Variants in LARP1B observed in about 807,000 individuals in gnomAD.
LARP1B encodes La ribonucleoprotein 1B.
In LARP1B, 76 loss-of-function variants were observed where a neutral mutation model predicts 114.2. That is an observed-to-expected ratio of 0.67 (90% CI 0.55 to 0.81). The LOEUF is 0.81. Among genes scored for constraint, LARP1B ranks in the 30% least tolerant of loss-of-function variants. The pLI is 0.00. For missense variants in LARP1B, 1,014 were observed against 1,075.8 expected, an observed-to-expected ratio of 0.94 and a Z score of 0.80; for synonymous variants, 345 against 348.0, an observed-to-expected ratio of 0.99 and a Z score of 0.10.
intron 12 of LARP1B, among the ~76,000 whole-genome samples, chr4:128,174,827 G>A (rs1745230898): frequency 6.6e-6 from 1 of 152,066 alleles, no homozygotes; most frequent in Non-Finnish European, 1.5e-5. Flanking sequence ...AAACAAGTAT[G>A]TATGTAAATT....
At chr4:128,191,908 T>C (rs1752416264) in intron 15 of LARP1B, among the ~76,000 whole-genome samples, 1 of 152,186 alleles carries the variant, frequency 6.6e-6, no homozygotes, top group Non-Finnish European at 1.5e-5. Context: ...GAATTTTTCA[T>C]GCACAGGGCC....
At chr4:128,107,786 T>G (rs1782615152) in intron 9 of LARP1B, 3 of 1,526,780 alleles carry the variant, frequency 2.0e-6, no homozygotes, top group Non-Finnish European at 2.6e-6. Context: ...TTGGTTGTGT[T>G]TAGAATTTCC....
chr4:128,146,909 A>G (rs1730594966), intron 11 of LARP1B, among the ~76,000 whole-genome samples: 1 of 152,264 alleles, frequency 6.6e-6, no homozygotes, highest in South Asian at 2.1e-4. Flanking sequence ...TCTATATTAT[A>G]AAACATCTGA....
Position 128,210,106 on chromosome 4 carries a change from T to C in LARP1B, c.*53T>C, listed in dbSNP as rs1758715247. 6.2e-7 allele frequency: 1 copy of C among 1,610,918 alleles called. No homozygotes were observed. On this transcript the variant is annotated 3_prime_UTR_variant, in exon 20 of 20. Transcript: ENST00000326639. Reference sequence around the variant, plus strand: ...AAGAAATGGTGAAATGCCTGAGAAATAGACTCTTATGAAAGTTCTTTGTCC... The same window carrying C: ...AAGAAATGGTGAAATGCCTGAGAAACAGACTCTTATGAAAGTTCTTTGTCC...
At chr4:128,214,282 G>C (rs7692023), downstream of LARP1B, among the ~76,000 whole-genome samples, 3 of 148,370 alleles carry the variant, frequency 2.0e-5, no homozygotes, top group Admixed American at 1.4e-4. Flanking sequence ...CGGGAAGCTC[G>C]AACTGGGTGG....
At chr4:128,090,225 A>G (rs1775399593) in intron 5 of LARP1B, among the ~76,000 whole-genome samples, 1 of 151,968 alleles carries the variant, frequency 6.6e-6, no homozygotes, top group Non-Finnish European at 1.5e-5. Context: ...GGTGTGTGCT[A>G]TGGCACCCGG....
At chr4:128,074,863 G>T (rs1283068184) in intron 2 of LARP1B, 71 bp from the exon 3 acceptor site, 3 of 1,059,936 alleles carry the variant, frequency 2.8e-6, no homozygotes, top group Non-Finnish European at 4.3e-6. Flanking sequence ...TTCACTTTTA[G>T]AAAATGTTTT....
At chr4:128,208,530 A>G (rs979041321) in intron 19 of LARP1B, among the ~76,000 whole-genome samples, 7 of 152,188 alleles carry the variant, frequency 4.6e-5, no homozygotes, top group African/African-American at 1.7e-4. Context: ...TGGCCTAGCC[A>G]GTTCTGTCAC....
At chr4:128,122,679 T>A in intron 11 of LARP1B, 1 of 1,334,614 alleles carries the variant, frequency 7.5e-7, no homozygotes, top group South Asian at 2.4e-5. Context: ...GTGGAAATGG[T>A]TGTGGACAAA....
At chr4:128,217,546 A>G (rs1175751115) in intron 6 of LARP1B, among the ~76,000 whole-genome samples, 4 of 30,948 alleles carry the variant, frequency 1.3e-4, no homozygotes, top group Middle Eastern at 0.012. Context: ...CAAAAACCAC[A>G]TGATTATCTC....
intron 1 of LARP1B, among the ~76,000 whole-genome samples, chr4:128,064,372 A>C (rs770309239): frequency 8.6e-5 from 13 of 151,426 alleles, no homozygotes; most frequent in Non-Finnish European, 1.5e-4. Context: ...ATATGTGTTG[A>C]GTTAATTCAT....
intron 15 of LARP1B, among the ~76,000 whole-genome samples, chr4:128,191,315 C>A (rs1752194305): frequency 6.6e-6 from 1 of 152,046 alleles, no homozygotes; most frequent in African/African-American, 2.4e-5. Flanking sequence ...TGTTGTTTCT[C>A]GTGGATGTAC....
At chr4:128,196,807 G>A (rs989943030) in intron 15 of LARP1B, among the ~76,000 whole-genome samples, 3 of 151,840 alleles carry the variant, frequency 2.0e-5, no homozygotes, top group Admixed American at 2.0e-4. Flanking sequence ...GGATAAGCAA[G>A]TATCCAACAA....
chr4:128,155,392 T>G, intron 11 of LARP1B: 1 of 605,144 alleles, frequency 1.7e-6, no homozygotes, highest in Non-Finnish European at 3.0e-6. Flanking sequence ...CCGGGGCATG[T>G]TCTGAGACTT....
chr4:128,122,742 G>C (rs1272929357), intron 11 of LARP1B: 1 of 1,215,374 alleles, frequency 8.2e-7, no homozygotes, highest in East Asian at 3.3e-5. Flanking sequence ...CATTACTGTG[G>C]TGCTAGGGTT....
intron 11 of LARP1B, among the ~76,000 whole-genome samples, chr4:128,136,049 TTC>T (rs1725102255): frequency 6.6e-6 from 1 of 151,720 alleles, no homozygotes; most frequent in Admixed American, 6.6e-5. Flanking sequence ...TCCCACCACT[TTC>T]GGAGGCCAAG....
intron 8 of LARP1B, among the ~76,000 whole-genome samples, chr4:128,100,254 C>T (rs1163164455): frequency 2.0e-5 from 3 of 151,982 alleles, no homozygotes; most frequent in Admixed American, 6.6e-5. Flanking sequence ...TGAGCTACCG[C>T]GCGCCTGGCC....
chr4:128,097,232 A>G (rs1349492340), intron 7 of LARP1B, among the ~76,000 whole-genome samples: 1 of 152,140 alleles, frequency 6.6e-6, no homozygotes, highest in Non-Finnish European at 1.5e-5. Context: ...TATCAAAGAA[A>G]GAAGCATGGA....
At chr4:128,169,211 ATTTAC>A (rs895403333) in intron 12 of LARP1B, among the ~76,000 whole-genome samples, 1 of 151,028 alleles carries the variant, frequency 6.6e-6, no homozygotes, top group Non-Finnish European at 1.5e-5. Flanking sequence ...ATTTTCATTG[ATTTAC>A]TTTATTTTTA....
Sources: gnomAD v4.1 joint callset for allele counts (sites outside exome capture counted in the v4.1 genomes callset) on GRCh38, gnomAD v4.1.1 for gene constraint, MANE v1.5 for transcripts, NCBI Gene and HGNC (gene_info 2026-07-23, HGNC 2026-07-21) for gene names.